The following PRICKLE1 variants were observed in gnomAD, a reference collection of about 807,000 sequenced individuals.
The protein encoded by PRICKLE1 is prickle-like protein 1.
In PRICKLE1, 14 loss-of-function variants were observed where a neutral mutation model predicts 70.2. The observed-to-expected ratio is 0.20, with a 90% CI of 0.13 to 0.31. The LOEUF is 0.31. Among genes scored for constraint, PRICKLE1 ranks in the 10% least tolerant of loss-of-function variants. PRICKLE1 has a pLI of 1.00. For synonymous variants in PRICKLE1, 357 were observed against 379.9 expected (o/e 0.94, Z 0.70); for missense variants, 821 against 1,026.2 (o/e 0.80, Z 2.73).
intron 1 of PRICKLE1, among the ~76,000 whole-genome samples, chr12:42,500,688 T>C (rs1437233607): frequency 6.8e-6 from 1 of 147,666 alleles, no homozygotes; most frequent in Non-Finnish European, 1.5e-5. Context: ...ACTAAAATCT[T>C]TCAGTTTCAA....
chr12:42,497,504 G>C lies in PRICKLE1; in HGVS notation c.-48-24940C>G, dbSNP rs572631526. The stretch of plus-strand genomic sequence containing the variant: ...GCAGAGCTTGCGGTGAGCCAAGATC[G>C]TGCCACTGCACTCCAGCCTGGGTGA... On this transcript the variant is annotated intron_variant, in intron 1 of 7. Coordinates refer to ENST00000345127, the MANE Select transcript of PRICKLE1 (RefSeq NM_153026.3). Among the ~76,000 whole-genome samples, 15 of 146,048 alleles carry C rather than the reference G, an allele frequency of 1.0e-4. No individual in the cohort carries two copies. In the East Asian group the frequency reaches 3.0e-3, roughly 29 times the overall value.
chr12:42,569,161 A>G (rs75422269), intron 1 of PRICKLE1, among the ~76,000 whole-genome samples: 2,981 of 152,266 alleles, frequency 0.02, 85 homozygotes, highest in African/African-American at 0.068. Flanking sequence ...TAGCTGTTAC[A>G]TCCTGAAACA....
At chr12:42,588,439 T>C (rs906875136) in intron 1 of PRICKLE1, among the ~76,000 whole-genome samples, 4 of 152,190 alleles carry the variant, frequency 2.6e-5, no homozygotes, top group Admixed American at 6.5e-5. Context: ...ATGCATCCAT[T>C]TGATAGCACA....
intron 1 of PRICKLE1, among the ~76,000 whole-genome samples, chr12:42,528,363 T>C (rs1421256570): frequency 6.6e-6 from 1 of 152,180 alleles, no homozygotes; most frequent in Non-Finnish European, 1.5e-5. Context: ...CTTGAGCCAC[T>C]GAGCCCAGCC....
chr12:42,466,230 A>G lies in PRICKLE1; in HGVS notation c.739T>C (p.Tyr247His), dbSNP rs780974681. Reference protein sequence around the residue: ...PFCCGCFESLYAEYCETCGEH... With the variant: ...PFCCGCFESLHAEYCETCGEH... ...CCACAGGTTTCACAGTACTCCGCAT[A>G]GAGAGACTCAAAACAGCCACAGCAG... is the stretch of plus-strand genomic sequence containing the variant. Residue 247 changes from tyrosine (Y) to histidine (H), a missense_variant, in exon 6 of 8, where the codon TAT (tyrosine) becomes CAT (histidine). Transcript: ENST00000345127. 3.7e-6 allele frequency: 6 copies of G among 1,614,214 alleles called. No homozygotes were observed. The highest frequency in any genetic ancestry group is 5.1e-6 in the Non-Finnish European group (6 of 1,180,032).
At position 42,520,314 on chromosome 12, in the gene PRICKLE1, T is replaced by A. The variant is rs114285378; in HGVS notation, c.-48-47750A>T. ...ACCTAAAATGTGGAAAAGAAAGATG[T>A]AAGACCGTGGTGGTCAATGCAAATG... On this transcript the variant is annotated intron_variant, in intron 1 of 7. Coordinates refer to ENST00000345127, the MANE Select transcript of PRICKLE1 (RefSeq NM_153026.3). Among the ~76,000 whole-genome samples, 351 of 152,288 alleles carry A rather than the reference T, an allele frequency of 2.3e-3. 1 individual carries two copies. The highest frequency in any genetic ancestry group is 8.1e-3 in the African/African-American group (335 of 41,548).
chr12:42,472,682 C>T (rs982407738), intron 1 of PRICKLE1, 118 bp from the exon 2 acceptor site: 1 of 815,432 alleles, frequency 1.2e-6, no homozygotes, highest in African/African-American at 1.7e-5. Context: ...AGAAAGTAAC[C>T]AAATTACTAC....
intron 5 of PRICKLE1, among the ~76,000 whole-genome samples, chr12:42,466,979 C>T (rs967451263): frequency 6.6e-6 from 1 of 152,188 alleles, no homozygotes. Context: ...TGGGCTTGAG[C>T]GATCCTCCCA....
At position 42,459,985 on chromosome 12, in the gene PRICKLE1, C is replaced by A; in HGVS notation, c.2320G>T (p.Glu774Ter). The change falls in exon 8 of 8, where the codon GAA becomes TAA. Residue 774 changes from glutamate to a stop codon, truncating the protein, a stop_gained. Transcript: ENST00000345127. LOFTEE classifies it high-confidence loss of function. ...GGTTGTCCAAGAAAATATCCTTCTT[C>A]TTCCGAGTCGGAAGAGGAGGAGGAG... ...SSSSSSSDSEEEGYFLGQPIP... is the reference protein window; with the variant it reads ...SSSSSSSDSE 1 of 1,614,100 alleles carries A rather than the reference C, an allele frequency of 6.2e-7. No individual in the cohort carries two copies. Among genetic ancestry groups the A allele is most frequent in the Non-Finnish European group, 8.5e-7 (1 of 1,180,024 alleles).
intron 1 of PRICKLE1, among the ~76,000 whole-genome samples, chr12:42,517,659 GC>G (rs1222919781): frequency 1.3e-5 from 2 of 151,918 alleles, no homozygotes; most frequent in African/African-American, 4.8e-5. Context: ...TTTTCCACAG[GC>G]TGGTCTTTAA....
chr12:42,470,504 T>G (rs1938278392), intron 2 of PRICKLE1, 145 bp from the exon 3 acceptor site: 1 of 683,616 alleles, frequency 1.5e-6, no homozygotes, highest in African/African-American at 1.8e-5. Context: ...TCAGCAGAAC[T>G]GCAAACCTTC....
chr12:42,474,007 C>T (rs143111722), intron 1 of PRICKLE1, among the ~76,000 whole-genome samples: 2,201 of 152,246 alleles, frequency 0.014, 66 homozygotes, highest in African/African-American at 0.049. Flanking sequence ...GGCGTGGTAG[C>T]TCACACCTGT....
chr12:42,501,306 C>CTGGCCAGG (rs1939301847), intron 1 of PRICKLE1, among the ~76,000 whole-genome samples: 1 of 151,914 alleles, frequency 6.6e-6, no homozygotes, highest in South Asian at 2.1e-4. Context: ...AGATTGAGAC[C>CTGGCCAGG]ATCCTGGCCA....
chr12:42,483,528 T>A (rs1032447403), intron 1 of PRICKLE1: 37 of 152,098 alleles, frequency 2.4e-4, no homozygotes, highest in African/African-American at 8.4e-4. Flanking sequence ...AACAGAGGGC[T>A]GGGTGCCCTA....
chr12:42,534,457 G>A (rs1939984348), intron 1 of PRICKLE1, among the ~76,000 whole-genome samples: 1 of 152,188 alleles, frequency 6.6e-6, no homozygotes, highest in South Asian at 2.1e-4. Flanking sequence ...AACAGTGTGT[G>A]AGCTGTGGCT....
chr12:42,468,077 G>A (rs1482943585), intron 5 of PRICKLE1, among the ~76,000 whole-genome samples: 1 of 152,130 alleles, frequency 6.6e-6, no homozygotes, highest in African/African-American at 2.4e-5. Flanking sequence ...AGAAGGGCAT[G>A]CAGGATCTCT....
chr12:42,495,728 A>G (rs1024405956), intron 1 of PRICKLE1, among the ~76,000 whole-genome samples: 5 of 151,824 alleles, frequency 3.3e-5, no homozygotes, highest in Non-Finnish European at 7.4e-5. Context: ...AGCTGGGACT[A>G]CAGGCACGTG....
chr12:42,530,725 A>C (rs1373499929), intron 1 of PRICKLE1, among the ~76,000 whole-genome samples: 3 of 115,236 alleles, frequency 2.6e-5, no homozygotes, highest in African/African-American at 1.0e-4. Context: ...CACTGTTGTC[A>C]GCCCAGGCTA....
At chr12:42,506,305 G>A (rs1939414196) in intron 1 of PRICKLE1, among the ~76,000 whole-genome samples, 1 of 127,884 alleles carries the variant, frequency 7.8e-6, no homozygotes, top group South Asian at 2.4e-4. Flanking sequence ...TGCCTAGGCT[G>A]CAGTGCAATG....
Sources: allele counts gnomAD v4.1 joint callset (sites outside exome capture counted in the v4.1 genomes callset), GRCh38; gene constraint gnomAD v4.1.1; transcripts MANE v1.5; gene names NCBI Gene and HGNC (gene_info 2026-07-23, HGNC 2026-07-21).